TDP1: variants seen among roughly 807,000 people sequenced by gnomAD.
TDP1 encodes the protein tyr-DNA phosphodiesterase 1.
Under a neutral mutation model 81.5 loss-of-function variants are expected in TDP1, and 64 were observed. That is an observed-to-expected ratio of 0.79 (90% CI 0.64 to 0.97). The LOEUF (loss-of-function observed/expected upper bound fraction) is 0.97. TDP1 is among the 50% of genes least tolerant of loss of function. The pLI is 0.00. For missense variants in TDP1, 723 were observed against 743.8 expected (o/e 0.97, Z 0.33); for synonymous variants, 256 against 264.3 (o/e 0.97, Z 0.30).
intron 2 of TDP1, among the ~76,000 whole-genome samples, chr14:89,960,318 A>G (rs1489402341): frequency 6.6e-6 from 1 of 152,114 alleles, no homozygotes; most frequent in African/African-American, 2.4e-5. Context: ...TTAAAAAACC[A>G]CCTCTGAGCT....
intron 14 of TDP1, among the ~76,000 whole-genome samples, chr14:90,012,627 C>T (rs1483635389): frequency 6.6e-6 from 1 of 152,074 alleles, no homozygotes; most frequent in Non-Finnish European, 1.5e-5. Flanking sequence ...GGGTGGAGCC[C>T]TCATGGAGAA....
chr14:89,986,862 TAAAC>T (rs1474828788), intron 10 of TDP1: 7 of 152,126 alleles, frequency 4.6e-5, no homozygotes, highest in Non-Finnish European at 8.8e-5. Context: ...CATATTAAAT[TAAAC>T]AAAACGTCAG....
At chr14:90,031,239 C>A (rs1312309319) in intron 15 of TDP1, among the ~76,000 whole-genome samples, 2 of 150,584 alleles carry the variant, frequency 1.3e-5, no homozygotes, top group Non-Finnish European at 3.0e-5. Flanking sequence ...GGTATATCTC[C>A]TAAAGCTATC....
chr14:89,993,126 T>G, intron 13 of TDP1: 1 of 982,636 alleles, frequency 1.0e-6, no homozygotes, highest in South Asian at 4.7e-5. Flanking sequence ...TGTATGTATG[T>G]TCATGGCAAA....
At chr14:89,986,322 A>G (rs1206105801) in intron 10 of TDP1, among the ~76,000 whole-genome samples, 1 of 152,208 alleles carries the variant, frequency 6.6e-6, no homozygotes, top group African/African-American at 2.4e-5. Context: ...CTTGTTCCTT[A>G]ACATACATCG....
intron 16 of TDP1, among the ~76,000 whole-genome samples, chr14:90,035,474 A>AT (rs1222264329): frequency 6.6e-6 from 1 of 151,328 alleles, no homozygotes; most frequent in Non-Finnish European, 1.5e-5. Context: ...AAAAAAAAAA[A>AT]CCCCAGGAAA....
chr14:89,958,128 C>T (rs1051756535), intron 2 of TDP1, among the ~76,000 whole-genome samples: 10 of 152,166 alleles, frequency 6.6e-5, no homozygotes, highest in Non-Finnish European at 1.0e-4. Context: ...ATTCTGGTGT[C>T]CAGACGAGGG....
At chr14:89,988,196 C>T (rs1306696986) in intron 10 of TDP1, among the ~76,000 whole-genome samples, 2 of 152,210 alleles carry the variant, frequency 1.3e-5, no homozygotes, top group Admixed American at 6.5e-5. Context: ...TCCAGCAGCC[C>T]GCAGGTGTTC....
At position 89,966,174 on chromosome 14, in the gene TDP1, T is replaced by C; in HGVS notation, c.587T>C (p.Leu196Pro). 1 of 1,607,268 alleles carries C rather than the reference T, an allele frequency of 6.2e-7. No individual in the cohort carries two copies. The highest frequency in any genetic ancestry group is 8.5e-7 in the Non-Finnish European group (1 of 1,173,904). Residue 196 changes from leucine (L) to proline (P), a missense_variant, in exon 4 of 17, where the codon CTT becomes CCT. Transcript: ENST00000335725. ...ATTTTATCTCCTTTATTTGGGACGC[T>C]TGTTTCTTCAGCTCAGGTGAGTATA... ...KDILSPLFGT[L>P]VSSAQFNYCF...
chr14:89,968,388 G>A (rs1210782808), intron 5 of TDP1, among the ~76,000 whole-genome samples: 1 of 152,024 alleles, frequency 6.6e-6, no homozygotes, highest in Non-Finnish European at 1.5e-5. Flanking sequence ...GAGTCACCTC[G>A]TGGCCCAGTA....
chr14:89,997,409 G>T (rs1013366188), intron 14 of TDP1, among the ~76,000 whole-genome samples: 3 of 152,192 alleles, frequency 2.0e-5, no homozygotes, highest in Non-Finnish European at 4.4e-5. Flanking sequence ...GATGGGGATT[G>T]TCACTGATAT....
intron 15 of TDP1, among the ~76,000 whole-genome samples, chr14:90,029,935 G>C (rs1887093094): frequency 6.6e-6 from 1 of 152,136 alleles, no homozygotes; most frequent in Admixed American, 6.5e-5. Context: ...TTGTTTCCTG[G>C]AATAAGTACC....
At chr14:90,012,137 A>C (rs915018893) in intron 14 of TDP1, among the ~76,000 whole-genome samples, 1 of 152,170 alleles carries the variant, frequency 6.6e-6, no homozygotes, top group African/African-American at 2.4e-5. Context: ...CAGAGGGTGC[A>C]AGCCCCAAGC....
intron 6 of TDP1, 145 bp from the exon 7 acceptor site, chr14:89,975,636 C>A: frequency 1.6e-5 from 8 of 508,560 alleles, no homozygotes; most frequent in Admixed American, 3.8e-5. Flanking sequence ...TAAAAGCTGT[C>A]TTGTTATTCA....
At chr14:89,962,891 A>G in intron 2 of TDP1, 1 of 985,102 alleles carries the variant, frequency 1.0e-6, no homozygotes, top group Non-Finnish European at 1.2e-6. Context: ...AAAAGGAAGA[A>G]AAAAGAAAGG....
chr14:90,015,915 G>A (rs76972377), intron 14 of TDP1, among the ~76,000 whole-genome samples: 14 of 152,160 alleles, frequency 9.2e-5, no homozygotes, highest in African/African-American at 2.4e-4. Flanking sequence ...CCTAACACTC[G>A]GTAATGGTCA....
chr14:90,043,230 T>C lies in TDP1; in HGVS notation c.*87T>C, dbSNP rs1566937998. 1 of 1,543,366 alleles carries C rather than the reference T, an allele frequency of 6.5e-7. No homozygotes were observed. The highest frequency in any genetic ancestry group is 2.3e-5 in the East Asian group (1 of 44,252). On this transcript the variant is annotated 3_prime_UTR_variant, in exon 17 of 17. Coordinates refer to ENST00000335725, the MANE Select transcript of TDP1 (RefSeq NM_018319.4). ...CTTTGTACTGGATGTCCACTTCCCT[T>C]AAAGTCTTATTTGCACCCTTACAAA... is the stretch of plus-strand genomic sequence containing the variant.
chr14:90,027,158 G>GTGTGTTAGAT lies in TDP1; in HGVS notation c.1645-5948_1645-5947insTGTGTTAGAT, dbSNP rs1488231093. On this transcript the variant is annotated intron_variant, in intron 15 of 16. Transcript: ENST00000335725. ...CTTTTTAATGATCGCCATTCTAACT[G>GTGTGTTAGAT]GTGTGAGATGGTATCTCATTGTGGT... Among the ~76,000 whole-genome samples the GTGTGTTAGAT allele has an allele frequency of 3.9e-5, 6 of 152,204 alleles. No individual in the cohort carries two copies. The South Asian group carries it at 8.3e-4, about 21-fold the overall frequency.
chr14:90,042,723 T>C lies in TDP1; in HGVS notation c.1754-347T>C, dbSNP rs533503305. ...ACCATCAGATCTTGTGTGAGACTTA[T>C]TCACTATCATGAGAACAGCATGGGA... On this transcript the variant is annotated intron_variant, in intron 16 of 16. Transcript: ENST00000335725. 32 of 207,652 alleles carry C rather than the reference T, an allele frequency of 1.5e-4. 1 individual carries two copies. Among genetic ancestry groups the C allele is most frequent in the Middle Eastern group, 5.0e-3 (2 of 404 alleles). 12.9% of individuals were successfully genotyped at this position (207,652 alleles called of 1,614,324 possible). A position where few individuals can be genotyped will look rare whatever the true frequency, so the allele number is the denominator to read the frequency against.
Sources: gnomAD v4.1 joint callset for allele counts (sites outside exome capture counted in the v4.1 genomes callset) on GRCh38, gnomAD v4.1.1 for gene constraint, MANE v1.5 for transcripts, NCBI Gene and HGNC (gene_info 2026-07-23, HGNC 2026-07-21) for gene names.